The following RBFOX1 variants were observed in gnomAD, a reference collection of about 807,000 sequenced individuals.
RBFOX1 encodes RNA binding fox-1 homolog 1.
RBFOX1 carries 8 observed loss-of-function variants against 57.7 expected under a neutral mutation model. That is an observed-to-expected ratio of 0.14 (90% CI 0.08 to 0.25). The LOEUF (loss-of-function observed/expected upper bound fraction) is 0.25, where lower values mean the gene tolerates loss of function less well. Ranked by LOEUF, RBFOX1 falls within the 10% of genes least tolerant of loss-of-function variation. The pLI is 1.00. For synonymous variants in RBFOX1, 326 were observed against 222.4 expected, an observed-to-expected ratio of 1.47 and a Z score of -4.15; for missense variants, 611 against 548.5, an observed-to-expected ratio of 1.11 and a Z score of -1.14.
intron 3 of RBFOX1, among the ~76,000 whole-genome samples, chr16:6,984,024 G>C (rs2089643817): frequency 6.6e-6 from 1 of 152,304 alleles, no homozygotes; most frequent in South Asian, 2.1e-4. Flanking sequence ...AAGGTGGGCA[G>C]ATCACCTGAG....
intron 3 of RBFOX1, among the ~76,000 whole-genome samples, chr16:5,719,715 A>G (rs938532740): frequency 6.6e-6 from 1 of 152,038 alleles, no homozygotes; most frequent in African/African-American, 2.4e-5. Context: ...TTGAAGCTTC[A>G]TCTCTGCTGT....
intron 3 of RBFOX1, among the ~76,000 whole-genome samples, chr16:6,964,942 T>A (rs908293403): frequency 5.3e-5 from 8 of 152,190 alleles, no homozygotes; most frequent in African/African-American, 1.9e-4. Flanking sequence ...TTAAAGGAGA[T>A]AACAGACGCC....
At chr16:6,773,831 T>A in intron 3 of RBFOX1, 1 of 356,492 alleles carries the variant, frequency 2.8e-6, no homozygotes, top group Non-Finnish European at 3.9e-6. Context: ...TGTGGGGGCA[T>A]GGGGTGCATT....
chr16:7,670,114 C>G (rs934681174), intron 13 of RBFOX1, among the ~76,000 whole-genome samples: 4 of 152,184 alleles, frequency 2.6e-5, no homozygotes, highest in Non-Finnish European at 5.9e-5. Flanking sequence ...TCACTGCAAC[C>G]TCTGCCTCCC....
At chr16:6,107,155 G>GA (rs1172146992) in intron 1 of RBFOX1, among the ~76,000 whole-genome samples, 1 of 151,816 alleles carries the variant, frequency 6.6e-6, no homozygotes, top group Admixed American at 6.6e-5. Context: ...TTGTTTTTTT[G>GA]TTTTTTTAGT....
At chr16:6,831,702 T>C (rs7205930) in intron 3 of RBFOX1, among the ~76,000 whole-genome samples, 2,327 of 152,278 alleles carry the variant, frequency 0.015, 79 homozygotes, top group African/African-American at 0.054. Flanking sequence ...TTTTAACTCT[T>C]TGCCCCTTCC....
At chr16:7,476,048 C>T (rs1469267619) in intron 4 of RBFOX1, among the ~76,000 whole-genome samples, 1 of 152,130 alleles carries the variant, frequency 6.6e-6, no homozygotes, top group Non-Finnish European at 1.5e-5. Flanking sequence ...TCACTGCAGC[C>T]TCAGCCTCCT....
chr16:7,695,048 G>C (rs77574599), intron 14 of RBFOX1, among the ~76,000 whole-genome samples: 1,600 of 152,304 alleles, frequency 0.011, 28 homozygotes, highest in South Asian at 0.049. Flanking sequence ...GACAGAAAAT[G>C]AAAGTTTGCA....
intron 1 of RBFOX1, among the ~76,000 whole-genome samples, chr16:5,242,790 G>A (rs1256189908): frequency 6.6e-6 from 1 of 152,074 alleles, no homozygotes; most frequent in African/African-American, 2.4e-5. Context: ...CAGGCCTGGT[G>A]CTCTGGATGG....
At chr16:5,548,210 T>C (rs1195591207) in intron 2 of RBFOX1, among the ~76,000 whole-genome samples, 1 of 131,506 alleles carries the variant, frequency 7.6e-6, no homozygotes, top group Non-Finnish European at 1.6e-5. Context: ...TATATAGACA[T>C]TGGGGACTAC....
chr16:7,497,321 T>C (rs2151726723), intron 4 of RBFOX1, among the ~76,000 whole-genome samples: 1 of 152,302 alleles, frequency 6.6e-6, no homozygotes, highest in Non-Finnish European at 1.5e-5. Flanking sequence ...GAGTGTGTGC[T>C]TTTCCTCTTC....
rs527288331 is a variant in RBFOX1 at position 7,258,520 on chromosome 16, A to G, written c.27+206422A>G. On this transcript the variant is annotated intron_variant, in intron 4 of 15. Coordinates refer to ENST00000550418, the MANE Select transcript of RBFOX1 (RefSeq NM_018723.4). ...CGAATTACTGCAAGTAGATTATGAA[A>G]TATTGTTGTACATGCACGTAAAAAT... Among the ~76,000 whole-genome samples, 14 of 152,298 alleles carry G rather than the reference A, an allele frequency of 9.2e-5. No individual in the cohort carries two copies. The East Asian group carries it at 2.5e-3, about 27-fold the overall frequency.
At chr16:5,950,626 G>A (rs970445872) in intron 4 of RBFOX1, among the ~76,000 whole-genome samples, 3 of 152,142 alleles carry the variant, frequency 2.0e-5, no homozygotes, top group South Asian at 2.1e-4. Context: ...TCTAACCAGC[G>A]AGTGGAAACC....
intron 1 of RBFOX1, among the ~76,000 whole-genome samples, chr16:6,161,316 G>C (rs139883873): frequency 6.6e-6 from 1 of 151,918 alleles, no homozygotes; most frequent in African/African-American, 2.4e-5. Flanking sequence ...TTGAGCCTGG[G>C]AGGCAAAGGT....
intron 1 of RBFOX1, among the ~76,000 whole-genome samples, chr16:6,282,633 G>T (rs1446546853): frequency 1.3e-5 from 2 of 151,942 alleles, no homozygotes; most frequent in Non-Finnish European, 2.9e-5. Flanking sequence ...GAGAACATGT[G>T]GTGTTTCGTT....
intron 4 of RBFOX1, among the ~76,000 whole-genome samples, chr16:7,514,267 G>C (rs933088631): frequency 1.3e-5 from 2 of 152,100 alleles, no homozygotes; most frequent in African/African-American, 4.8e-5. Context: ...AACAAAATTT[G>C]GGCCAGGTTT....
intron 3 of RBFOX1, among the ~76,000 whole-genome samples, chr16:7,010,875 C>T (rs1314879032): frequency 1.3e-5 from 2 of 152,202 alleles, no homozygotes; most frequent in Non-Finnish European, 2.9e-5. Context: ...CTGCTCCCGG[C>T]CCACATCTCT....
intron 3 of RBFOX1, among the ~76,000 whole-genome samples, chr16:6,893,178 G>T (rs975675610): frequency 6.6e-6 from 1 of 152,102 alleles, no homozygotes; most frequent in Non-Finnish European, 1.5e-5. Context: ...TTTGCAGGCA[G>T]TGGAGTGAGT....
chr16:6,527,744 T>C (rs1482509514), intron 2 of RBFOX1, among the ~76,000 whole-genome samples: 1 of 151,868 alleles, frequency 6.6e-6, no homozygotes, highest in African/African-American at 2.4e-5. Flanking sequence ...AAACCCAGAG[T>C]GTTTTGTCTC....
Sources: gnomAD v4.1 joint callset for allele counts (sites outside exome capture counted in the v4.1 genomes callset) on GRCh38, gnomAD v4.1.1 for gene constraint, MANE v1.5 for transcripts, NCBI Gene and HGNC (gene_info 2026-07-23, HGNC 2026-07-21) for gene names.